CFAP141: variants seen among roughly 807,000 people sequenced by gnomAD.
CFAP141 encodes cilia- and flagella-associated protein 141.
chr1:154,204,015 C>T, the CFAP141 span, among the ~76,000 whole-genome samples: 2 of 152,178 alleles, frequency 1.3e-5, no homozygotes, highest in South Asian at 2.1e-4. Flanking sequence ...TGCTTAGACC[C>T]AGGAGGCGGA....
chr1:154,200,128 G>GC, the CFAP141 span, among the ~76,000 whole-genome samples: 138 of 152,244 alleles, frequency 9.1e-4, no homozygotes, highest in Non-Finnish European at 8.4e-4. Flanking sequence ...GCCCGTCTTG[G>GC]CCCCCCAAAG....
At chr1:154,201,641 G>T in the CFAP141 span, among the ~76,000 whole-genome samples, 1 of 151,950 alleles carries the variant, frequency 6.6e-6, no homozygotes, top group African/African-American at 2.4e-5. Flanking sequence ...GCCTGACTCA[G>T]CATCCCAAAG....
At chr1:154,203,599 T>C in the CFAP141 span, among the ~76,000 whole-genome samples, 16 of 152,094 alleles carry the variant, frequency 1.1e-4, no homozygotes, top group Admixed American at 6.5e-5. Context: ...TTTTATTTTT[T>C]TGTAGAGACG....
At chr1:154,203,756 G>A in the CFAP141 span, among the ~76,000 whole-genome samples, 1 of 152,148 alleles carries the variant, frequency 6.6e-6, no homozygotes, top group East Asian at 1.9e-4. Flanking sequence ...ATCATAAACT[G>A]GGAAGTACAT....
At chr1:154,201,150 G>C in the CFAP141 span, among the ~76,000 whole-genome samples, 20 of 152,126 alleles carry the variant, frequency 1.3e-4, no homozygotes, top group Middle Eastern at 0.01. Context: ...TTTATTTTGA[G>C]ACAGAGTTTT....
At chr1:154,205,508 G>C in the CFAP141 span, 1 of 1,179,590 alleles carries the variant, frequency 8.5e-7, no homozygotes, top group Non-Finnish European at 1.3e-6. Flanking sequence ...CCCCTAAAGA[G>C]ATGCAGCAGA....
chr1:154,200,862 T>C, the CFAP141 span, among the ~76,000 whole-genome samples: 1 of 152,010 alleles, frequency 6.6e-6, no homozygotes, highest in Non-Finnish European at 1.5e-5. Context: ...TTTTGTATTT[T>C]TAGTAGAGAT....
the CFAP141 span, among the ~76,000 whole-genome samples, chr1:154,201,080 A>G: frequency 7.7e-3 from 1,171 of 152,262 alleles, 13 homozygotes; most frequent in African/African-American, 0.027. Context: ...TTAAGTACAT[A>G]ATATCATTTA....
chr1:154,200,645 C>CA, the CFAP141 span: 4 of 1,561,510 alleles, frequency 2.6e-6, no homozygotes, highest in African/African-American at 2.7e-5. Flanking sequence ...GGAGTAGAGA[C>CA]AAAAAACCCA....
At chr1:154,205,513 A>T in the CFAP141 span, 1 of 1,228,370 alleles carries the variant, frequency 8.1e-7, no homozygotes, top group Non-Finnish European at 1.2e-6. Flanking sequence ...AAAGAGATGC[A>T]GCAGAGTTGG....
At chr1:154,200,655 A>G in the CFAP141 span, 15 of 1,504,328 alleles carry the variant, frequency 1.0e-5, no homozygotes, top group East Asian at 3.2e-4. Flanking sequence ...CAAAAAACCC[A>G]TAGAGTGAGG....
chr1:154,202,941 T>G, the CFAP141 span, among the ~76,000 whole-genome samples: 12 of 151,230 alleles, frequency 7.9e-5, no homozygotes, highest in Non-Finnish European at 1.5e-4. Context: ...GCCAACATGG[T>G]GAAACCCCAT....
At chr1:154,206,087 G>A in the CFAP141 span, among the ~76,000 whole-genome samples, 10 of 152,276 alleles carry the variant, frequency 6.6e-5, no homozygotes, top group South Asian at 1.5e-3. Context: ...AAGAAAACAC[G>A]CAGGGGTTGG....
chr1:154,201,937 ATTT>A, the CFAP141 span, among the ~76,000 whole-genome samples: 1 of 138,740 alleles, frequency 7.2e-6, no homozygotes. Context: ...CGCCCAGGTA[ATTT>A]TTTTTTTTTT....
the CFAP141 span, among the ~76,000 whole-genome samples, chr1:154,205,271 T>A: frequency 6.6e-6 from 1 of 152,194 alleles, no homozygotes; most frequent in Non-Finnish European, 1.5e-5. Flanking sequence ...CAACAAATAC[T>A]GCACTACCAA....
the CFAP141 span, chr1:154,206,319 T>C: frequency 2.5e-6 from 4 of 1,613,932 alleles, no homozygotes; most frequent in Middle Eastern, 1.6e-4. Context: ...TCTATAGATT[T>C]GCTTGATACA....
the CFAP141 span, chr1:154,200,462 T>G: frequency 6.2e-7 from 1 of 1,614,122 alleles, no homozygotes; most frequent in Non-Finnish European, 8.5e-7. Flanking sequence ...AACTCACCAT[T>G]AGTAGTTGCT....
chr1:154,205,723 A>G, the CFAP141 span: 2 of 1,244,358 alleles, frequency 1.6e-6, no homozygotes, highest in Non-Finnish European at 1.2e-6. Context: ...TTTTTTTTTG[A>G]GACAGAGTTT....
At chr1:154,206,212 T>G in the CFAP141 span, 3 of 1,461,006 alleles carry the variant, frequency 2.1e-6, no homozygotes, top group African/African-American at 4.2e-5. Context: ...GATGCACTTA[T>G]AGTAAATTGA....
Sources: gnomAD v4.1 joint callset for allele counts (sites outside exome capture counted in the v4.1 genomes callset) on GRCh38, gnomAD v4.1.1 for gene constraint, MANE v1.5 for transcripts, NCBI Gene and HGNC (gene_info 2026-07-23, HGNC 2026-07-21) for gene names.